Variants in WWOX observed in about 807,000 individuals in gnomAD.
The protein encoded by WWOX is WW domain-containing oxidoreductase.
A neutral mutation model predicts 46.2 loss-of-function variants in WWOX; 69 were observed. That is an observed-to-expected ratio of 1.49 (90% CI 1.23 to 1.82). The LOEUF is 1.82. Ranked by LOEUF, WWOX falls within the 40% of genes most tolerant of loss-of-function variation. The pLI is 0.00. For missense variants in WWOX, 919 were observed against 542.6 expected (o/e 1.69, Z -6.89); for synonymous variants, 359 against 202.6 (o/e 1.77, Z -6.56).
intron 6 of WWOX, among the ~76,000 whole-genome samples, chr16:78,413,279 G>T (rs754600695): frequency 1.3e-5 from 2 of 152,150 alleles, no homozygotes; most frequent in East Asian, 1.9e-4. Context: ...ATTGTCTCAC[G>T]TGTCCATGTG....
At chr16:78,358,755 T>G (rs8060647) in intron 5 of WWOX, among the ~76,000 whole-genome samples, 5 of 151,782 alleles carry the variant, frequency 3.3e-5, no homozygotes, top group African/African-American at 1.2e-4. Context: ...TATATACAAA[T>G]GAGGGAAAAA....
chr16:78,914,795 C>A (rs530458495), intron 8 of WWOX, among the ~76,000 whole-genome samples: 5 of 145,690 alleles, frequency 3.4e-5, no homozygotes, highest in African/African-American at 1.3e-4. Context: ...AGGAGAATGG[C>A]GTGAACCCAG....
At chr16:78,864,316 G>A (rs2043955480) in intron 8 of WWOX, among the ~76,000 whole-genome samples, 1 of 151,702 alleles carries the variant, frequency 6.6e-6, no homozygotes, top group Non-Finnish European at 1.5e-5. Flanking sequence ...GCCCAGGCTG[G>A]AGTGCAGTGG....
At position 78,334,924 on chromosome 16, in the gene WWOX, TAAAAA is replaced by T. The variant is rs538880972; in HGVS notation, c.517-51926_517-51922del. On this transcript the variant is annotated intron_variant, in intron 5 of 8. Coordinates refer to ENST00000566780, the MANE Select transcript of WWOX (RefSeq NM_016373.4). ...TCATTGAGGAGATACCATCTTTTTTTAAAAAAAAAAAAAAGGCAGCAAAATGTGAG... is the reference window on the plus strand; with the variant it reads ...TCATTGAGGAGATACCATCTTTTTTTAAAAAAAAAGGCAGCAAAATGTGAG... Among the ~76,000 whole-genome samples the T allele has an allele frequency of 3.4e-3, 478 of 140,522 alleles. 4 individuals are homozygous for T. Among genetic ancestry groups the T allele is most frequent in the African/African-American group, 0.012 (458 of 38,468 alleles). 92.2% of individuals were successfully genotyped at this position (140,522 alleles called of 152,430 possible). A position where few individuals can be genotyped will look rare whatever the true frequency, so the allele number is the denominator to read the frequency against.
At chr16:78,726,994 T>A (rs1375351253) in intron 8 of WWOX, among the ~76,000 whole-genome samples, 1 of 152,202 alleles carries the variant, frequency 6.6e-6, no homozygotes, top group Non-Finnish European at 1.5e-5. Flanking sequence ...TCCTTTTTCC[T>A]GAGAGCAGCC....
chr16:79,049,550 C>G (rs1001126756), intron 8 of WWOX, among the ~76,000 whole-genome samples: 3 of 152,074 alleles, frequency 2.0e-5, no homozygotes, highest in Non-Finnish European at 4.4e-5. Context: ...AAGACTGCAT[C>G]TGAGTGGCAG....
intron 5 of WWOX, among the ~76,000 whole-genome samples, chr16:78,345,814 C>G (rs1267962397): frequency 8.4e-6 from 1 of 118,684 alleles, no homozygotes; most frequent in Non-Finnish European, 2.0e-5. Flanking sequence ...AAATTTGAGG[C>G]ATTGACACAT....
intron 5 of WWOX, among the ~76,000 whole-genome samples, chr16:78,358,499 A>G (rs1257242420): frequency 6.6e-6 from 1 of 152,260 alleles, no homozygotes; most frequent in African/African-American, 2.4e-5. Flanking sequence ...CTCTACTAAA[A>G]ATACAAAAAT....
intron 8 of WWOX, among the ~76,000 whole-genome samples, chr16:79,065,081 A>C (rs967588642): frequency 2.4e-4 from 37 of 152,260 alleles, no homozygotes; most frequent in African/African-American, 8.7e-4. Context: ...CTCACTCTCC[A>C]CTTCCCACCT....
At chr16:79,093,464 A>G (rs921892741) in intron 8 of WWOX, among the ~76,000 whole-genome samples, 3 of 152,184 alleles carry the variant, frequency 2.0e-5, no homozygotes, top group African/African-American at 7.2e-5. Context: ...TTATTTGCCT[A>G]AAAATTGTGC....
chr16:78,930,878 A>AATGTAAC (rs2045609926), intron 8 of WWOX, among the ~76,000 whole-genome samples: 1 of 152,078 alleles, frequency 6.6e-6, no homozygotes, highest in African/African-American at 2.4e-5. Flanking sequence ...ATGACAGTTA[A>AATGTAAC]ATGTAACATG....
intron 6 of WWOX, among the ~76,000 whole-genome samples, chr16:78,394,312 G>A (rs1256667833): frequency 6.6e-6 from 1 of 152,130 alleles, no homozygotes; most frequent in Non-Finnish European, 1.5e-5. Context: ...TTGCTCTAAT[G>A]AATGCTCTAA....
At chr16:78,443,441 C>G (rs1394822512) in intron 8 of WWOX, among the ~76,000 whole-genome samples, 1 of 152,172 alleles carries the variant, frequency 6.6e-6, no homozygotes, top group African/African-American at 2.4e-5. Flanking sequence ...TTTACTGGCA[C>G]CAAGAACACA....
At chr16:78,525,982 A>G (rs942967745) in intron 8 of WWOX, 3 of 152,196 alleles carry the variant, frequency 2.0e-5, no homozygotes, top group Non-Finnish European at 2.9e-5. Flanking sequence ...TGCAGAGCAC[A>G]TGTATCATCC....
intron 8 of WWOX, among the ~76,000 whole-genome samples, chr16:78,916,073 C>G (rs1016840853): frequency 1.3e-5 from 2 of 152,152 alleles, no homozygotes; most frequent in South Asian, 4.1e-4. Flanking sequence ...ACGATGCTAT[C>G]ATTGTGTTTA....
intron 8 of WWOX, among the ~76,000 whole-genome samples, chr16:79,019,643 G>A (rs1173503642): frequency 6.6e-6 from 1 of 151,954 alleles, no homozygotes; most frequent in Non-Finnish European, 1.5e-5. Context: ...GCAGCTGCAT[G>A]TGCATACTGG....
chr16:78,375,977 A>G lies in WWOX; in HGVS notation c.517-10883A>G, dbSNP rs141131703. Among the ~76,000 whole-genome samples the G allele has an allele frequency of 3.8e-3, 576 of 151,658 alleles. 2 individuals carry two copies. The highest frequency in any genetic ancestry group is 0.013 in the African/African-American group (550 of 41,296). On this transcript the variant is annotated intron_variant, in intron 5 of 8. Transcript: ENST00000566780. ...GTGGTTCTTCTGCCTCAGCCTTCCA[A>G]TTAGCGGGGACTACCAGCGCATGTC... is the stretch of plus-strand genomic sequence containing the variant.
intron 8 of WWOX, among the ~76,000 whole-genome samples, chr16:78,480,067 G>GA (rs1406802375): frequency 1.3e-5 from 2 of 152,198 alleles, no homozygotes; most frequent in Non-Finnish European, 2.9e-5. Context: ...ATTGTGCTGG[G>GA]TCCTATGGAG....
intron 8 of WWOX, among the ~76,000 whole-genome samples, chr16:78,928,203 C>CTTTTTT (rs969068848): frequency 7.5e-6 from 1 of 134,220 alleles, no homozygotes. Flanking sequence ...TACCACTTTT[C>CTTTTTT]TTTTTTTTTT....
Sources: allele counts gnomAD v4.1 joint callset (sites outside exome capture counted in the v4.1 genomes callset), GRCh38; gene constraint gnomAD v4.1.1; transcripts MANE v1.5; gene names NCBI Gene and HGNC (gene_info 2026-07-23, HGNC 2026-07-21).